TBPL2: variants seen among roughly 807,000 people sequenced by gnomAD.
The protein encoded by TBPL2 is TATA box-binding protein-like 2.
In TBPL2, 40 loss-of-function variants were observed where a neutral mutation model predicts 38.2. The observed-to-expected ratio is 1.05, with a 90% confidence interval of 0.81 to 1.36. The LOEUF is 1.36. TBPL2 is among the 40% of genes most tolerant of loss of function. TBPL2 has a pLI of 0.00. For missense variants in TBPL2, 461 were observed against 456.7 expected (o/e 1.01, Z -0.09); for synonymous variants, 169 against 171.7 (o/e 0.98, Z 0.12).
chr14:55,427,808 A>C (rs1056154715), intron 5 of TBPL2, among the ~76,000 whole-genome samples: 1 of 149,702 alleles, frequency 6.7e-6, no homozygotes, highest in Non-Finnish European at 1.5e-5. Context: ...TACAGGCAAC[A>C]TTGTGTTGCG....
intron 4 of TBPL2, 51 bp from the exon 5 acceptor site, chr14:55,429,025 A>C (rs1224328211): frequency 6.3e-7 from 1 of 1,594,494 alleles, no homozygotes; most frequent in Non-Finnish European, 8.6e-7. Context: ...ACATCCTCTC[A>C]ACTACTGGTG....
chr14:55,431,054 C>G (rs1885917358), intron 4 of TBPL2, among the ~76,000 whole-genome samples: 1 of 152,300 alleles, frequency 6.6e-6, no homozygotes, highest in Admixed American at 6.5e-5. Context: ...TAAAATCTCA[C>G]CCATACTGGT....
intron 6 of TBPL2, among the ~76,000 whole-genome samples, chr14:55,421,905 G>A (rs1885750715): frequency 1.3e-5 from 2 of 152,226 alleles, no homozygotes; most frequent in African/African-American, 2.4e-5. Flanking sequence ...CTGAATTCAG[G>A]TAATATAAAA....
At position 55,426,555 on chromosome 14, in the gene TBPL2, AAG is replaced by A. The variant is rs1447500808; in HGVS notation, c.956+2250_956+2251del. On this transcript the variant is annotated intron_variant, in intron 5 of 6. Transcript: ENST00000247219. ...CTCATGTTAAAAATTCAAATCTTCT[AAG>A]AGGTGTTTTTAATGTTCCCAGTGTC... 9.9e-5 allele frequency among the ~76,000 whole-genome samples: 15 copies of A among 152,240 alleles called. 1 individual carries two copies. Among genetic ancestry groups the A allele is most frequent in the Middle Eastern group, 3.4e-3 (1 of 294 alleles).
rs767811298 is a variant in TBPL2, at chr14:55,414,390, T to A, written c.1117A>T (p.Lys373Ter). ...GCTGAATGATATGCTCAGGCTTTTT[T>A]AAAACCTTTTAGAATAGGATAGATG... The change falls in exon 7 of 7, where the codon AAA becomes TAA. Residue 373 changes from lysine (K) to a stop codon, truncating the protein, a stop_gained. Transcript: ENST00000247219. LOFTEE classifies it high-confidence loss of function. 25 of 1,604,860 alleles carry A rather than the reference T, an allele frequency of 1.6e-5. No homozygotes were observed. The highest frequency in any genetic ancestry group is 8.0e-5 in the South Asian group (7 of 88,036).
At chr14:55,415,930 A>G (rs1165873324) in intron 6 of TBPL2, among the ~76,000 whole-genome samples, 2 of 152,224 alleles carry the variant, frequency 1.3e-5, no homozygotes, top group Non-Finnish European at 2.9e-5. Context: ...AATGAAGTAC[A>G]CATGCTACAA....
intron 1 of TBPL2, among the ~76,000 whole-genome samples, chr14:55,439,844 T>C (rs1172311591): frequency 6.9e-6 from 1 of 145,590 alleles, no homozygotes; most frequent in Non-Finnish European, 1.5e-5. Flanking sequence ...GGTAGGAGAA[T>C]GGCGTGAACC....
intron 5 of TBPL2, among the ~76,000 whole-genome samples, chr14:55,427,001 A>G (rs1208266367): frequency 2.0e-5 from 3 of 152,224 alleles, no homozygotes; most frequent in Non-Finnish European, 4.4e-5. Flanking sequence ...TAATGTAGAC[A>G]CAACCTTAGA....
At chr14:55,418,539 G>A (rs1885700393) in intron 6 of TBPL2, among the ~76,000 whole-genome samples, 1 of 152,108 alleles carries the variant, frequency 6.6e-6, no homozygotes, top group Non-Finnish European at 1.5e-5. Context: ...ATTAGTTGGG[G>A]GTTACTGTTA....
intron 4 of TBPL2, 22 bp downstream of exon 4, chr14:55,433,608 G>T (rs1372083240): frequency 2.5e-6 from 4 of 1,590,572 alleles, no homozygotes; most frequent in Non-Finnish European, 2.6e-6. Context: ...TCTGGTAGGG[G>T]TGGAGGGATG....
chr14:55,430,410 A>G (rs1380061474), intron 4 of TBPL2, among the ~76,000 whole-genome samples: 4 of 151,456 alleles, frequency 2.6e-5, no homozygotes, highest in Non-Finnish European at 4.4e-5. Context: ...AAAAAAAAAA[A>G]AAAAAAAAAA....
chr14:55,433,319 T>C (rs1246726330), intron 4 of TBPL2, among the ~76,000 whole-genome samples: 1 of 148,360 alleles, frequency 6.7e-6, no homozygotes, highest in Non-Finnish European at 1.5e-5. Flanking sequence ...CTTTTTTTTT[T>C]TTTTTTTTTT....
Position 55,435,842 on chromosome 14 carries a change from G to A in TBPL2, c.696+5C>T, listed in dbSNP as rs1886003642. On this transcript the variant is annotated splice_donor_5th_base_variant and intron_variant, in intron 3 of 6. Coordinates refer to ENST00000247219, the Ensembl canonical transcript of TBPL2. ...ATTATTGGAAGGAATACTGAGAAAT[G>A]TTACCTTTGGGTTATATTCTGCATT... The A allele has an allele frequency of 1.3e-6, 2 of 1,544,622 alleles. No individual in the cohort carries two copies. The highest frequency in any genetic ancestry group is 4.8e-5 in the East Asian group (2 of 41,936).
chr14:55,440,455 G>A lies in TBPL2; in HGVS notation c.91C>T (p.Arg31Trp), dbSNP rs779730706. Residue 31 changes from arginine to tryptophan, a missense_variant, in exon 1 of 7, where the codon CGG (arginine) becomes TGG (tryptophan). It adds an upstream start codon to the 5' untranslated region. Transcript: ENST00000247219. ...TAGGTCTCCTCCTGCTCCATGGACC[G>A]TAATCCCACTGTTGGGGGTGGGGGC... 25 of 1,611,482 alleles carry A rather than the reference G, an allele frequency of 1.6e-5. No homozygotes were observed. In the Admixed American group the frequency reaches 4.2e-4, roughly 27 times the overall value.
Position 55,440,499 on chromosome 14 carries a change from G to C in TBPL2, c.47C>G (p.Pro16Arg), listed in dbSNP as rs776460561. Residue 16 changes from proline to arginine, a missense_variant, in exon 1 of 7, where the codon CCG becomes CGG. By Grantham distance (103) the Pro-to-Arg change is moderately radical (BLOSUM62 -2). Transcript: ENST00000247219. ...TGGGGGCGGGTAAGAGGGTAAGCGC[G>C]GAGCGAGCAGCCTCGGAACCCGCTC... 25 of 1,612,050 alleles carry C rather than the reference G, an allele frequency of 1.6e-5. No homozygotes were observed. Among genetic ancestry groups the C allele is most frequent in the Middle Eastern group, 1.7e-4 (1 of 5,758 alleles).
exon 5 of TBPL2, chr14:55,428,929 C>A: frequency 6.2e-7 from 1 of 1,614,152 alleles, no homozygotes; most frequent in Non-Finnish European, 8.5e-7. Context: ...CAAGCTTCTG[C>A]ACCACACGAG....
chr14:55,419,032 T>A (rs1885706903), intron 6 of TBPL2, among the ~76,000 whole-genome samples: 1 of 152,214 alleles, frequency 6.6e-6, no homozygotes, highest in Non-Finnish European at 1.5e-5. Context: ...AGTCCATCCT[T>A]TTAGCCACTA....
chr14:55,433,611 G>C lies in TBPL2; in HGVS notation c.788+19C>G, dbSNP rs754663715. On this transcript the variant is annotated intron_variant, in intron 4 of 6. Transcript: ENST00000247219. ...CTAAATTGTTTCTCTGGTAGGGGTG[G>C]AGGGATGATTCCTCATACCTTTTGG... The C allele has an allele frequency of 1.9e-5, 30 of 1,594,312 alleles. No individual in the cohort carries two copies. The highest frequency in any genetic ancestry group is 1.7e-4 in the Middle Eastern group (1 of 6,042).
chr14:55,414,585 G>T, intron 6 of TBPL2, 130 bp from the exon 7 acceptor site: 1 of 631,882 alleles, frequency 1.6e-6, no homozygotes. Context: ...CTGAGAAATG[G>T]CATTTATTCC....
Sources: gnomAD v4.1 joint callset for allele counts (sites outside exome capture counted in the v4.1 genomes callset) on GRCh38, gnomAD v4.1.1 for gene constraint, MANE v1.5 for transcripts, NCBI Gene and HGNC (gene_info 2026-07-23, HGNC 2026-07-21) for gene names.